The following DSE variants were observed in gnomAD, a reference collection of about 807,000 sequenced individuals.
DSE encodes dermatan-sulfate epimerase.
DSE carries 36 observed loss-of-function variants against 84.4 expected under a neutral mutation model. The observed-to-expected ratio is 0.43, with a 90% CI of 0.33 to 0.56. The LOEUF (loss-of-function observed/expected upper bound fraction) is 0.56, where lower values mean the gene tolerates loss of function less well. Among genes scored for constraint, DSE ranks in the 20% least tolerant of loss-of-function variants. DSE has a pLI of 0.06. For synonymous variants in DSE, 410 were observed against 430.1 expected (o/e 0.95, Z 0.58); for missense variants, 862 against 1,169.6 (o/e 0.74, Z 3.84).
intron 2 of DSE, among the ~76,000 whole-genome samples, chr6:116,326,634 C>T (rs1041728342): frequency 2.6e-5 from 4 of 152,088 alleles, no homozygotes; most frequent in Non-Finnish European, 4.4e-5. Flanking sequence ...CTTGCTTGGC[C>T]GAGAAAACTG....
rs575384043 is a variant in DSE, at chr6:116,412,725, G to A, written c.416+13059G>A. 9 of 152,106 alleles carry A rather than the reference G, an allele frequency of 5.9e-5. No homozygotes were observed. The East Asian group carries it at 1.2e-3, about 20-fold the overall frequency. 9.4% of individuals were successfully genotyped at this position (152,106 alleles called of 1,614,324 possible). ...ATTTTTATTTCAACTTTTAGATTTA[G>A]GGGGTACATGTGCAGTTCCATAGTA... On this transcript the variant is annotated intron_variant, in intron 2 of 5. Transcript: ENST00000644252.
chr6:116,335,416 C>G lies in DSE; in HGVS notation c.-53-63782C>G, dbSNP rs571337476. On this transcript the variant is annotated intron_variant, in intron 2 of 3. Coordinates refer to the DSE transcript ENST00000430252. ...AGAGAGAGAGTGTTAGGAAAAATAA[C>G]TCATGAGTACTAGGCTTAATACCTG... Among the ~76,000 whole-genome samples the G allele has an allele frequency of 1.2e-3, 182 of 152,244 alleles. 1 individual carries two copies. The highest frequency in any genetic ancestry group is 5.2e-3 in the Admixed American group (79 of 15,282).
intron 2 of DSE, among the ~76,000 whole-genome samples, chr6:116,336,163 T>A (rs1777239764): frequency 6.6e-6 from 1 of 152,234 alleles, no homozygotes; most frequent in South Asian, 2.1e-4. Flanking sequence ...TAAATCTGTT[T>A]TACAGAAGAA....
At chr6:116,385,211 C>A (rs556871512) in intron 1 of DSE, among the ~76,000 whole-genome samples, 1 of 152,308 alleles carries the variant, frequency 6.6e-6, no homozygotes, top group East Asian at 1.9e-4. Context: ...TATGGCCAGG[C>A]TGCTTAGCCC....
At chr6:116,337,809 T>C (rs1226865696) in intron 2 of DSE, among the ~76,000 whole-genome samples, 2 of 151,926 alleles carry the variant, frequency 1.3e-5, no homozygotes, top group Non-Finnish European at 2.9e-5. Context: ...ATACTTCTTA[T>C]GACCATTATT....
intron 1 of DSE, among the ~76,000 whole-genome samples, chr6:116,390,456 T>C (rs1232199924): frequency 6.6e-6 from 1 of 152,198 alleles, no homozygotes; most frequent in Non-Finnish European, 1.5e-5. Context: ...GGGTAAGGAA[T>C]TGATATTCCA....
chr6:116,278,802 T>C (rs1347278386), intron 2 of DSE: 2 of 1,614,124 alleles, frequency 1.2e-6, no homozygotes, highest in Non-Finnish European at 1.7e-6. Context: ...GGCCGGAGGA[T>C]CTTACCTCAT....
chr6:116,337,246 T>C (rs1437852137), intron 2 of DSE, among the ~76,000 whole-genome samples: 3 of 152,162 alleles, frequency 2.0e-5, no homozygotes, highest in East Asian at 1.9e-4. Flanking sequence ...GAGGAAAATA[T>C]ATATAAGAAA....
chr6:116,433,531 C>T lies in DSE; in HGVS notation c.1099C>T (p.Leu367=). ...TPSKGQRWCT[L]HTEFLWYDGS... is the part of the protein sequence containing the mutation. ...ATCCAAAGGGCAGCGCTGGTGCACT[C>T]TGCACACAGAATTTCTCTGGTATGA... is the stretch of plus-strand genomic sequence containing the variant. The change falls in exon 5 of 6, where the codon CTG becomes TTG. Residue 367 remains leucine, a synonymous_variant. Transcript: ENST00000644252. 1 of 1,582,608 alleles carries T rather than the reference C, an allele frequency of 6.3e-7. No individual in the cohort carries two copies. Among genetic ancestry groups the T allele is most frequent in the Non-Finnish European group, 8.6e-7 (1 of 1,162,628 alleles).
At chr6:116,409,633 G>T (rs1782184925) in intron 2 of DSE, among the ~76,000 whole-genome samples, 1 of 152,186 alleles carries the variant, frequency 6.6e-6, no homozygotes, top group Non-Finnish European at 1.5e-5. Context: ...AGGCATTGGA[G>T]ATACAAAAAT....
At chr6:116,370,560 C>T (rs1011648195), upstream of DSE, 67 of 961,044 alleles carry the variant, frequency 7.0e-5, no homozygotes, top group Non-Finnish European at 8.2e-5. Flanking sequence ...GCATCAGCTC[C>T]TCCCCCTGGG....
chr6:116,364,616 T>C (rs973236236), intron 2 of DSE, among the ~76,000 whole-genome samples: 39 of 152,220 alleles, frequency 2.6e-4, no homozygotes, highest in African/African-American at 9.4e-4. Context: ...TGAAGTCAAC[T>C]TCACTAGTTC....
intron 5 of DSE, among the ~76,000 whole-genome samples, chr6:116,435,141 A>G (rs1784067853): frequency 6.6e-6 from 1 of 152,228 alleles, no homozygotes. Flanking sequence ...TTCAATACCA[A>G]ACATTCAATA....
intron 2 of DSE, among the ~76,000 whole-genome samples, chr6:116,272,019 C>CTAGT (rs1772902351): frequency 6.6e-6 from 1 of 152,100 alleles, no homozygotes; most frequent in Admixed American, 6.6e-5. Flanking sequence ...ATTTCTATCA[C>CTAGT]CATAAAAAAG....
At chr6:116,426,022 C>T (rs1256800925) in intron 2 of DSE, among the ~76,000 whole-genome samples, 1 of 152,198 alleles carries the variant, frequency 6.6e-6, no homozygotes, top group Admixed American at 6.5e-5. Flanking sequence ...CTCCCACTCA[C>T]GTTTGCCACG....
chr6:116,258,512 A>G, exon 2 of DSE: 2 of 1,222,240 alleles, frequency 1.6e-6, no homozygotes, highest in Non-Finnish European at 2.4e-6. Flanking sequence ...GGACTTGGCC[A>G]CATGCTCCAA....
At chr6:116,330,080 C>T (rs1210213131) in intron 2 of DSE, among the ~76,000 whole-genome samples, 1 of 152,236 alleles carries the variant, frequency 6.6e-6, no homozygotes. Context: ...CTGCCTCGGC[C>T]TCCCAAAGTG....
chr6:116,380,873 A>G (rs138759214), intron 1 of DSE, among the ~76,000 whole-genome samples: 2,356 of 152,270 alleles, frequency 0.015, 30 homozygotes, highest in Middle Eastern at 0.054. Context: ...AGACAGTGAA[A>G]TCTGTACACA....
chr6:116,412,048 G>A (rs1772173697), intron 2 of DSE, among the ~76,000 whole-genome samples: 1 of 152,126 alleles, frequency 6.6e-6, no homozygotes, highest in African/African-American at 2.4e-5. Flanking sequence ...CATTTTTTAT[G>A]ATTCACAAAG....
Sources: gnomAD v4.1 joint callset for allele counts (sites outside exome capture counted in the v4.1 genomes callset) on GRCh38, gnomAD v4.1.1 for gene constraint, MANE v1.5 for transcripts, NCBI Gene and HGNC (gene_info 2026-07-23, HGNC 2026-07-21) for gene names.